Variants in PCDH11X observed in about 807,000 individuals in gnomAD.
The protein encoded by PCDH11X is protocadherin 11 X-linked.
A neutral mutation model predicts 53.3 loss-of-function variants in PCDH11X; 18 were observed. The observed-to-expected ratio is 0.34, with a 90% CI of 0.23 to 0.50. The LOEUF (loss-of-function observed/expected upper bound fraction) is 0.50. Ranked by LOEUF, PCDH11X falls within the 20% of genes least tolerant of loss-of-function variation. The pLI is 0.98. For synonymous variants in PCDH11X, 279 were observed against 393.3 expected (o/e 0.71, Z 3.44); for missense variants, 570 against 1,032.4 (o/e 0.55, Z 6.14).
intron 6 of PCDH11X, among the ~76,000 whole-genome samples, chrX:92,188,180 C>G (rs1391756046): frequency 9.0e-6 from 1 of 111,192 alleles, no homozygotes; most frequent in African/African-American, 3.3e-5. Context: ...CTGTGGGGAG[C>G]TCTTCTCCCA....
At chrX:92,132,641 A>G (rs796262224) in intron 6 of PCDH11X, among the ~76,000 whole-genome samples, 9,343 of 77,925 alleles carry the variant, frequency 0.12, 624 homozygotes, top group East Asian at 0.59. Context: ...ATATGTATAT[A>G]TATATATATA....
chrX:92,072,689 C>A (rs758072496), intron 6 of PCDH11X, among the ~76,000 whole-genome samples: 76 of 111,199 alleles, frequency 6.8e-4, no homozygotes, highest in Non-Finnish European at 1.3e-3. Flanking sequence ...CTTCTTTATT[C>A]TTCATTCTCC....
chrX:92,212,006 CTTT>C (rs56939635), intron 7 of PCDH11X, among the ~76,000 whole-genome samples: 11,907 of 64,387 alleles, frequency 0.18, 936 homozygotes, highest in Admixed American at 0.37. Context: ...ACTTGCAATG[CTTT>C]TTTTTTTTTT....
chrX:92,369,861 G>C (rs1285875399), intron 8 of PCDH11X, among the ~76,000 whole-genome samples: 1 of 108,104 alleles, frequency 9.3e-6, no homozygotes, highest in East Asian at 2.9e-4. Context: ...AGATGAACTG[G>C]GTACCTCAGT....
chrX:92,147,847 C>CTTTCTTTCT (rs1556066330), intron 6 of PCDH11X, among the ~76,000 whole-genome samples: 13 of 97,083 alleles, frequency 1.3e-4, no homozygotes, highest in Non-Finnish European at 2.2e-4. Flanking sequence ...TTCTTTCTTT[C>CTTTCTTTCT]TTTCTTTTTT....
intron 6 of PCDH11X, among the ~76,000 whole-genome samples, chrX:91,888,772 T>C (rs1367058369): frequency 8.9e-6 from 1 of 111,978 alleles, no homozygotes; most frequent in East Asian, 2.8e-4. Flanking sequence ...GAGAAAAGTT[T>C]AAGTAATACG....
chrX:92,375,684 G>A (rs1473628111), intron 8 of PCDH11X, among the ~76,000 whole-genome samples: 1 of 109,665 alleles, frequency 9.1e-6, no homozygotes, highest in African/African-American at 3.3e-5. Context: ...GAGTGCAGTG[G>A]CTCAATCTCG....
At chrX:92,576,408 GTTA>G (rs1054246975) in intron 10 of PCDH11X, among the ~76,000 whole-genome samples, 4 of 90,511 alleles carry the variant, frequency 4.4e-5, no homozygotes, top group African/African-American at 1.6e-4. Flanking sequence ...TACATACAAT[GTTA>G]TTATTGATAA....
intron 6 of PCDH11X, among the ~76,000 whole-genome samples, chrX:92,040,572 T>C (rs914513384): frequency 5.4e-5 from 6 of 111,863 alleles, no homozygotes; most frequent in Admixed American, 3.8e-4. Context: ...GTGACGTCCA[T>C]GATACACGAC....
chrX:92,581,201 A>G (rs905937067), intron 10 of PCDH11X, among the ~76,000 whole-genome samples: 1 of 112,090 alleles, frequency 8.9e-6, no homozygotes, highest in South Asian at 3.7e-4. Flanking sequence ...ATACTTATAC[A>G]TAGACAAACA....
intron 6 of PCDH11X, among the ~76,000 whole-genome samples, chrX:92,022,447 T>C (rs771122587): frequency 9.2e-6 from 1 of 108,916 alleles, no homozygotes; most frequent in South Asian, 4.1e-4. Flanking sequence ...CATTACATAA[T>C]AGTAAAGGAT....
rs1187384760 is a variant in PCDH11X, at chrX:92,215,079, G to A, written c.3114+13624G>A. On this transcript the variant is annotated intron_variant, in intron 7 of 10. Coordinates refer to ENST00000682573, the MANE Select transcript of PCDH11X (RefSeq NM_032968.5). ...AAAACACTGGGGAAGCAGCCAAGAT[G>A]GCCGAATAGGAACAGCTCCGGTCTA... Among the ~76,000 whole-genome samples, 3 of 111,237 alleles carry A rather than the reference G, an allele frequency of 2.7e-5. No homozygotes were observed. In the Admixed American group the frequency reaches 2.9e-4, roughly 11 times the overall value.
chrX:92,021,277 AG>A (rs2062879896), intron 6 of PCDH11X, among the ~76,000 whole-genome samples: 1 of 109,440 alleles, frequency 9.1e-6, no homozygotes. Flanking sequence ...CCTTCATAAA[AG>A]GTTACAGGAG....
chrX:92,516,283 T>G (rs2074267649), intron 10 of PCDH11X, among the ~76,000 whole-genome samples: 1 of 111,336 alleles, frequency 9.0e-6, no homozygotes, highest in African/African-American at 3.3e-5. Context: ...ATGATGATTC[T>G]AAATAAAAAC....
intron 8 of PCDH11X, among the ~76,000 whole-genome samples, chrX:92,275,988 A>G (rs1362463158): frequency 1.8e-5 from 2 of 110,654 alleles, no homozygotes; most frequent in African/African-American, 3.3e-5. Flanking sequence ...AGATGCGGCT[A>G]TAGTCCAGGA....
At chrX:92,251,806 A>G (rs781776602) in intron 7 of PCDH11X, among the ~76,000 whole-genome samples, 39 of 110,889 alleles carry the variant, frequency 3.5e-4, no homozygotes, top group Middle Eastern at 4.7e-3. Context: ...AATGCCGTGG[A>G]TTTAGTGCCT....
chrX:91,779,940 T>A (rs781135042), intron 1 of PCDH11X, among the ~76,000 whole-genome samples: 97 of 111,802 alleles, frequency 8.7e-4, no homozygotes, highest in African/African-American at 2.9e-3. Flanking sequence ...TTGGGAAAAC[T>A]CTCACTTTTG....
chrX:92,174,249 C>T (rs1415788985), intron 6 of PCDH11X, among the ~76,000 whole-genome samples: 7 of 108,410 alleles, frequency 6.5e-5, no homozygotes, highest in African/African-American at 2.4e-4. Flanking sequence ...CCTCATAAAA[C>T]CTGGTTTTAA....
chrX:92,132,137 T>A lies in PCDH11X; in HGVS notation c.3034-69238T>A, dbSNP rs766600405. 3.1e-5 allele frequency among the ~76,000 whole-genome samples: 3 copies of A among 95,703 alleles called. No homozygotes were observed. The Admixed American group carries it at 3.5e-4, about 11-fold the overall frequency. The allele number at this position is 95,703 out of a possible 115,157, so 83.1% of individuals were successfully genotyped here. On this transcript the variant is annotated intron_variant, in intron 6 of 10. Coordinates refer to ENST00000682573, the MANE Select transcript of PCDH11X (RefSeq NM_032968.5). ...AAATACAAAAAAAAAAAAAAAAAATTAGCTGGGCGTGGTGGTGGGGGCCTG... is the reference window on the plus strand; with the variant it reads ...AAATACAAAAAAAAAAAAAAAAAATAAGCTGGGCGTGGTGGTGGGGGCCTG...
Sources: gnomAD v4.1 joint callset for allele counts (sites outside exome capture counted in the v4.1 genomes callset) on GRCh38, gnomAD v4.1.1 for gene constraint, MANE v1.5 for transcripts, NCBI Gene and HGNC (gene_info 2026-07-23, HGNC 2026-07-21) for gene names.